The following PDZRN4 variants were observed in gnomAD, a reference collection of about 807,000 sequenced individuals.
PDZRN4 encodes PDZ domain-containing RING finger protein 4.
Under a neutral mutation model 99.0 loss-of-function variants are expected in PDZRN4, and 70 were observed. The ratio of observed to expected loss-of-function variants is 0.71; its 90% CI spans 0.58 to 0.86. The LOEUF (loss-of-function observed/expected upper bound fraction) is 0.86, where lower values mean the gene tolerates loss of function less well. Ranked by LOEUF, PDZRN4 falls within the 40% of genes least tolerant of loss-of-function variation. The pLI, the probability that PDZRN4 is intolerant of heterozygous loss-of-function variation, is 0.00. For synonymous variants in PDZRN4, 551 were observed against 501.6 expected, an observed-to-expected ratio of 1.10 and a Z score of -1.32; for missense variants, 1,474 against 1,331.2, an observed-to-expected ratio of 1.11 and a Z score of -1.67.
rs1211265735 is a variant in PDZRN4, at chr12:41,222,006, T to A, written c.843+27818T>A. 3.9e-5 allele frequency among the ~76,000 whole-genome samples: 6 copies of A among 152,152 alleles called. No individual in the cohort carries two copies. In the East Asian group the frequency reaches 1.2e-3, roughly 29 times the overall value. The stretch of plus-strand genomic sequence containing the variant: ...ACAAAGTTTGTCTTCTAAGATATAA[T>A]GTGGTAAAAGAAACAGAAGCAGCAT... On this transcript the variant is annotated intron_variant, in intron 3 of 9. Transcript: ENST00000402685.
At chr12:41,260,571 T>C (rs908445225) in intron 3 of PDZRN4, among the ~76,000 whole-genome samples, 2 of 152,136 alleles carry the variant, frequency 1.3e-5, no homozygotes, top group Admixed American at 6.6e-5. Flanking sequence ...CTTATTTAAG[T>C]ATTAGTAAAG....
intron 3 of PDZRN4, among the ~76,000 whole-genome samples, chr12:41,251,629 T>C (rs1475290996): frequency 6.6e-6 from 1 of 152,196 alleles, no homozygotes. Context: ...AATTCATGCA[T>C]AATTTTTAAA....
At chr12:41,295,588 A>G (rs74348093) in intron 3 of PDZRN4, among the ~76,000 whole-genome samples, 2,192 of 152,240 alleles carry the variant, frequency 0.014, 22 homozygotes, top group Middle Eastern at 0.034. Flanking sequence ...TATGAGAGGG[A>G]TCTTCAAAAA....
At chr12:41,222,711 G>C (rs1302141626) in intron 3 of PDZRN4, among the ~76,000 whole-genome samples, 1 of 152,030 alleles carries the variant, frequency 6.6e-6, no homozygotes, top group South Asian at 2.1e-4. Context: ...TTTTAGTAGA[G>C]ATGGGGATTC....
intron 3 of PDZRN4, among the ~76,000 whole-genome samples, chr12:41,312,836 CTTCT>C (rs1951616018): frequency 6.6e-6 from 1 of 152,038 alleles, no homozygotes; most frequent in Non-Finnish European, 1.5e-5. Flanking sequence ...ACCTTCTTTT[CTTCT>C]TTCTCTATAT....
chr12:41,215,701 T>C (rs1208800683), intron 3 of PDZRN4, among the ~76,000 whole-genome samples: 2 of 151,990 alleles, frequency 1.3e-5, no homozygotes, highest in African/African-American at 4.8e-5. Context: ...TGCAAATTTT[T>C]CACCTTAGGC....
intron 3 of PDZRN4, among the ~76,000 whole-genome samples, chr12:41,484,035 G>A (rs535301922): frequency 2.6e-5 from 4 of 151,888 alleles, no homozygotes; most frequent in Non-Finnish European, 4.4e-5. Flanking sequence ...AAAATATCTC[G>A]AGTTTGTGTG....
At chr12:41,277,679 G>A (rs999573286) in intron 3 of PDZRN4, among the ~76,000 whole-genome samples, 2 of 152,188 alleles carry the variant, frequency 1.3e-5, no homozygotes, top group Admixed American at 6.5e-5. Flanking sequence ...CTGCTGGAAC[G>A]AAAGTCTAAC....
At chr12:41,481,235 C>T (rs899621389) in intron 3 of PDZRN4, among the ~76,000 whole-genome samples, 1 of 152,016 alleles carries the variant, frequency 6.6e-6, no homozygotes, top group Non-Finnish European at 1.5e-5. Flanking sequence ...AGGAGCAGCT[C>T]ATAGTCATCT....
intron 3 of PDZRN4, among the ~76,000 whole-genome samples, chr12:41,282,250 C>T (rs1262429201): frequency 6.6e-6 from 1 of 152,002 alleles, no homozygotes. Flanking sequence ...GACTTTAAAC[C>T]AACAAAGATT....
chr12:41,204,814 A>G (rs1950837648), intron 3 of PDZRN4, among the ~76,000 whole-genome samples: 1 of 151,792 alleles, frequency 6.6e-6, no homozygotes, highest in Non-Finnish European at 1.5e-5. Context: ...CACCTTTTAA[A>G]CTTGATTTGA....
At chr12:41,539,791 A>C (rs1938816145) in intron 5 of PDZRN4, among the ~76,000 whole-genome samples, 3 of 152,200 alleles carry the variant, frequency 2.0e-5, no homozygotes, top group Non-Finnish European at 4.4e-5. Context: ...AGGAGGACTG[A>C]CAAATCTCTG....
chr12:41,473,027 C>A (rs969106606), intron 3 of PDZRN4, among the ~76,000 whole-genome samples: 2 of 151,974 alleles, frequency 1.3e-5, no homozygotes, highest in African/African-American at 4.8e-5. Flanking sequence ...CACTTTATTT[C>A]AGAACAGAAA....
At chr12:41,426,276 T>C (rs913998600) in intron 3 of PDZRN4, among the ~76,000 whole-genome samples, 1 of 151,680 alleles carries the variant, frequency 6.6e-6, no homozygotes, top group African/African-American at 2.4e-5. Flanking sequence ...GGGGGCTTCT[T>C]TATGCCCAAC....
chr12:41,314,961 C>T (rs781247222), intron 3 of PDZRN4, among the ~76,000 whole-genome samples: 4 of 152,042 alleles, frequency 2.6e-5, no homozygotes, highest in Non-Finnish European at 4.4e-5. Flanking sequence ...AGAATGGTAA[C>T]TCATGCAGAC....
intron 5 of PDZRN4, among the ~76,000 whole-genome samples, chr12:41,521,695 T>C (rs538266530): frequency 1.3e-5 from 2 of 152,204 alleles, no homozygotes; most frequent in East Asian, 3.9e-4. Context: ...TGGGCAAGAA[T>C]TTCTTCTTTC....
chr12:41,450,881 T>C (rs1163052664), intron 3 of PDZRN4, among the ~76,000 whole-genome samples: 3 of 152,168 alleles, frequency 2.0e-5, no homozygotes, highest in African/African-American at 7.2e-5. Flanking sequence ...TGAGCTATAA[T>C]TGTGCCACTG....
intron 3 of PDZRN4, among the ~76,000 whole-genome samples, chr12:41,416,640 A>ACTGGG (rs1952447731): frequency 1.3e-5 from 2 of 152,138 alleles, no homozygotes; most frequent in Non-Finnish European, 2.9e-5. Context: ...CTGGGCAACA[A>ACTGGG]CAGCGAAACT....
chr12:41,440,006 ATT>A (rs1263138365), intron 3 of PDZRN4, among the ~76,000 whole-genome samples: 3 of 152,080 alleles, frequency 2.0e-5, no homozygotes, highest in Non-Finnish European at 4.4e-5. Context: ...ACTAGTTTCT[ATT>A]TTTATTTGGA....
Sources: allele counts gnomAD v4.1 joint callset (sites outside exome capture counted in the v4.1 genomes callset), GRCh38; gene constraint gnomAD v4.1.1; transcripts MANE v1.5; gene names NCBI Gene and HGNC (gene_info 2026-07-23, HGNC 2026-07-21).